Variants in GRIK4 observed in about 807,000 individuals in gnomAD.
GRIK4 encodes the protein glutamate receptor ionotropic, kainate 4.
Under a neutral mutation model 104.9 loss-of-function variants are expected in GRIK4, and 40 were observed. The ratio of observed to expected loss-of-function variants is 0.38; its 90% confidence interval spans 0.30 to 0.50. GRIK4 has a LOEUF of 0.50. GRIK4 is among the 20% of genes least tolerant of loss of function. GRIK4 has a pLI of 0.93. For synonymous variants in GRIK4, 485 were observed against 524.9 expected (o/e 0.92, Z 1.04); for missense variants, 1,047 against 1,308.1 (o/e 0.80, Z 3.08).
chr11:120,970,037 A>G (rs546180744), intron 19 of GRIK4, among the ~76,000 whole-genome samples: 12 of 152,152 alleles, frequency 7.9e-5, no homozygotes, highest in Admixed American at 2.6e-4. Flanking sequence ...AGCCTCCCCA[A>G]CAGAGCCAGG....
At chr11:120,808,423 A>G (rs1488333212) in intron 4 of GRIK4, among the ~76,000 whole-genome samples, 1 of 152,224 alleles carries the variant, frequency 6.6e-6, no homozygotes, top group Non-Finnish European at 1.5e-5. Context: ...CAGGTGGCAC[A>G]TGTGCCTGGC....
chr11:120,589,034 G>A (rs1948704301), intron 1 of GRIK4, among the ~76,000 whole-genome samples: 1 of 152,178 alleles, frequency 6.6e-6, no homozygotes, highest in Admixed American at 6.5e-5. Context: ...AGAGGCTGTG[G>A]TATCAGGACA....
chr11:120,643,104 A>C (rs529204332), intron 1 of GRIK4, among the ~76,000 whole-genome samples: 6 of 152,330 alleles, frequency 3.9e-5, no homozygotes, highest in Non-Finnish European at 8.8e-5. Context: ...ATAAAGAACA[A>C]AGCAAACAAA....
chr11:120,511,952 TC>T, intron 1 of GRIK4, 65 bp downstream of exon 1: 1 of 93,432 alleles, frequency 1.1e-5, no homozygotes, highest in Non-Finnish European at 2.1e-5. Flanking sequence ...CGCCCCCGAG[TC>T]CCCTCCGCGC....
chr11:120,986,356 G>C lies in GRIK4; in HGVS notation c.*96G>C, dbSNP rs960012563. The C allele has an allele frequency of 3.0e-6, 4 of 1,343,730 alleles. No individual in the cohort carries two copies. The highest frequency in any genetic ancestry group is 3.4e-5 in the Admixed American group (1 of 29,166). 83.2% of individuals were successfully genotyped at this position (1,343,730 alleles called of 1,614,324 possible). On this transcript the variant is annotated 3_prime_UTR_variant, in exon 21 of 21. Coordinates refer to ENST00000527524, the MANE Select transcript of GRIK4 (RefSeq NM_014619.5). ...AGCCGCCAGCCGGAACTTGTACAGC[G>C]TCGACACCTCTCCAGATTTCGGATC...
chr11:120,882,904 G>A (rs143668808), intron 11 of GRIK4, among the ~76,000 whole-genome samples: 180 of 152,202 alleles, frequency 1.2e-3, no homozygotes, highest in African/African-American at 4.1e-3. Context: ...AGGCTCTCTC[G>A]CATGCCCTTG....
Position 120,533,525 on chromosome 11 carries a change from GTTGGGTCA to G in GRIK4, c.-159+21644_-159+21651del, listed in dbSNP as rs552729477. Among the ~76,000 whole-genome samples the G allele has an allele frequency of 2.7e-4, 41 of 152,344 alleles. No individual in the cohort carries two copies. In the East Asian group the frequency reaches 7.1e-3, roughly 26 times the overall value. ...TCTGGCCCAAGGATGTTACACCAGG[GTTGGGTCA>G]TTGGGGCATCTGCAGAGCTGGATTA... is the stretch of plus-strand genomic sequence containing the variant. On this transcript the variant is annotated intron_variant, in intron 1 of 20. Transcript: ENST00000527524.
At chr11:120,930,514 G>A (rs998219895) in intron 13 of GRIK4, among the ~76,000 whole-genome samples, 4 of 152,138 alleles carry the variant, frequency 2.6e-5, no homozygotes, top group African/African-American at 7.2e-5. Context: ...TTAAGGTCAC[G>A]CAGCTCATAG....
chr11:120,653,129 GT>G (rs1949644727), intron 1 of GRIK4, among the ~76,000 whole-genome samples: 1 of 152,228 alleles, frequency 6.6e-6, no homozygotes. Flanking sequence ...GTATTTATGT[GT>G]AGCTGCTGCA....
intron 1 of GRIK4, among the ~76,000 whole-genome samples, chr11:120,615,922 C>G (rs1949106648): frequency 6.6e-6 from 1 of 151,850 alleles, no homozygotes; most frequent in East Asian, 1.9e-4. Flanking sequence ...GTATCCCTTC[C>G]AGGCCTGAAA....
At chr11:120,646,416 T>G (rs1949542933) in intron 1 of GRIK4, among the ~76,000 whole-genome samples, 1 of 152,188 alleles carries the variant, frequency 6.6e-6, no homozygotes, top group Admixed American at 6.5e-5. Flanking sequence ...GCAGAGCTTG[T>G]GCGGATAACC....
At chr11:120,891,151 G>A (rs772415340) in intron 11 of GRIK4, among the ~76,000 whole-genome samples, 15 of 152,328 alleles carry the variant, frequency 9.8e-5, no homozygotes, top group South Asian at 6.2e-4. Flanking sequence ...CCCCCTCAGC[G>A]GCAGGGCGTG....
chr11:120,712,617 G>A (rs1045319349), intron 3 of GRIK4, among the ~76,000 whole-genome samples: 12 of 142,148 alleles, frequency 8.4e-5, no homozygotes, highest in Admixed American at 4.8e-4. Context: ...GTAAGACCCT[G>A]TCTCTTAAAA....
chr11:120,556,425 A>G (rs975638071), intron 1 of GRIK4, among the ~76,000 whole-genome samples: 2 of 152,104 alleles, frequency 1.3e-5, no homozygotes, highest in Non-Finnish European at 2.9e-5. Context: ...TTTAAAATGT[A>G]AGTCAGATCA....
intron 11 of GRIK4, among the ~76,000 whole-genome samples, chr11:120,892,060 G>A (rs112095895): frequency 1.4e-4 from 22 of 152,268 alleles, no homozygotes; most frequent in African/African-American, 4.8e-4. Flanking sequence ...CTGCAGTCCC[G>A]GGCTTGCCAA....
chr11:120,605,492 A>G (rs190450771), intron 1 of GRIK4, among the ~76,000 whole-genome samples: 301 of 152,342 alleles, frequency 2.0e-3, no homozygotes, highest in Non-Finnish European at 3.1e-3. Context: ...GCAGTGTGAC[A>G]GCCATCAGCA....
chr11:120,729,691 T>C (rs1279490773), intron 3 of GRIK4, among the ~76,000 whole-genome samples: 1 of 152,200 alleles, frequency 6.6e-6, no homozygotes, highest in Non-Finnish European at 1.5e-5. Flanking sequence ...TTTGCAGATA[T>C]TTTCTTCTAT....
chr11:120,923,355 C>T (rs184516937), intron 13 of GRIK4, among the ~76,000 whole-genome samples: 14 of 150,420 alleles, frequency 9.3e-5, no homozygotes, highest in East Asian at 3.9e-4. Flanking sequence ...AGAATAGCAA[C>T]GAACACTTAC....
At chr11:120,979,110 T>A (rs1944609151) in intron 19 of GRIK4, among the ~76,000 whole-genome samples, 1 of 152,236 alleles carries the variant, frequency 6.6e-6, no homozygotes, top group Non-Finnish European at 1.5e-5. Flanking sequence ...TAAAAGCTTT[T>A]TGAGTGTCCA....
Sources: gnomAD v4.1 joint callset for allele counts (sites outside exome capture counted in the v4.1 genomes callset) on GRCh38, gnomAD v4.1.1 for gene constraint, MANE v1.5 for transcripts, NCBI Gene and HGNC (gene_info 2026-07-23, HGNC 2026-07-21) for gene names.